The following CPXM2 variants were observed in gnomAD, a reference collection of about 807,000 sequenced individuals.
CPXM2 encodes inactive carboxypeptidase-like protein X2.
Under a neutral mutation model 86.1 loss-of-function variants are expected in CPXM2, and 66 were observed. The ratio of observed to expected loss-of-function variants is 0.77; its 90% CI spans 0.63 to 0.94. CPXM2 has a LOEUF of 0.94. Among genes scored for constraint, CPXM2 ranks in the 40% least tolerant of loss-of-function variants. CPXM2 has a pLI of 0.00. For missense variants in CPXM2, 948 were observed against 1,026.3 expected (o/e 0.92, Z 1.04); for synonymous variants, 388 against 400.2 (o/e 0.97, Z 0.36).
In CPXM2 at chr10:123,754,667, TC is replaced by T; in HGVS notation, c.2012del (p.Arg671GlnfsTer12). 1 of 1,554,018 alleles carries T rather than the reference TC, an allele frequency of 6.4e-7. No individual in the cohort carries two copies. Among genetic ancestry groups the T allele is most frequent in the Middle Eastern group, 1.7e-4 (1 of 5,978 alleles). On this transcript the variant is annotated frameshift_variant, in exon 13 of 14. Coordinates refer to ENST00000241305, the MANE Select transcript of CPXM2 (RefSeq NM_198148.3). LOFTEE classifies it high-confidence loss of function. The surrounding 1 kb of genome is among the most constrained non-coding windows in gnomAD (Gnocchi z 4.0). ...TCTGCACACATTTGCAGTTACCTGTTCGGATGTCATGGTTAATGCCTTCTAC... is the reference window on the plus strand; with the variant it reads ...TCTGCACACATTTGCAGTTACCTGTTGGATGTCATGGTTAATGCCTTCTAC... ...ISVEGINHDIRTANDGDYWRL... is the reference protein window; with the variant it reads ...ISVEGINHDIXTANDGDYWRL...
At chr10:123,918,363 C>A (rs898696505) in intron 2 of CPXM2, among the ~76,000 whole-genome samples, 1 of 152,168 alleles carries the variant, frequency 6.6e-6, no homozygotes, top group African/African-American at 2.4e-5. Context: ...TCTATCTCTT[C>A]TACTGGTTAC....
At chr10:123,837,998 G>A (rs910615569) in intron 4 of CPXM2, among the ~76,000 whole-genome samples, 1 of 152,148 alleles carries the variant, frequency 6.6e-6, no homozygotes, top group African/African-American at 2.4e-5. Flanking sequence ...ACCCATGAAG[G>A]TATTGGACTC....
At chr10:123,758,166 G>A (rs976293276) in intron 11 of CPXM2, among the ~76,000 whole-genome samples, 2 of 152,062 alleles carry the variant, frequency 1.3e-5, no homozygotes, top group Non-Finnish European at 2.9e-5. Context: ...ATGTGTAGTC[G>A]GTGTCTGGAC....
chr10:123,802,040 T>C (rs978163659), intron 4 of CPXM2, among the ~76,000 whole-genome samples: 1 of 152,132 alleles, frequency 6.6e-6, no homozygotes, highest in Non-Finnish European at 1.5e-5. Flanking sequence ...ATCTCACAGA[T>C]GGAGGAAGGA....
intron 2 of CPXM2, among the ~76,000 whole-genome samples, chr10:123,915,273 G>A (rs557870913): frequency 3.9e-4 from 59 of 152,246 alleles, no homozygotes; most frequent in African/African-American, 1.4e-3. Flanking sequence ...TAAGCCCCAC[G>A]TAGGCCGGGT....
intron 2 of CPXM2, among the ~76,000 whole-genome samples, chr10:123,875,512 C>T (rs1944968009): frequency 6.6e-6 from 1 of 152,170 alleles, no homozygotes; most frequent in Admixed American, 6.5e-5. Flanking sequence ...GAAGGAAGAC[C>T]CAACTTCGCC....
chr10:123,879,651 T>G (rs979302763), intron 2 of CPXM2, among the ~76,000 whole-genome samples: 1 of 152,168 alleles, frequency 6.6e-6, no homozygotes, highest in Non-Finnish European at 1.5e-5. Context: ...ATAATAATAA[T>G]GGTAGTAGTT....
chr10:123,850,337 C>T (rs187285081), intron 3 of CPXM2, among the ~76,000 whole-genome samples: 4 of 152,316 alleles, frequency 2.6e-5, no homozygotes, highest in Admixed American at 2.0e-4. Flanking sequence ...AATAGTCCCC[C>T]GTTATCTGTG....
chr10:123,861,677 G>A (rs1393041741), intron 3 of CPXM2, among the ~76,000 whole-genome samples: 1 of 152,136 alleles, frequency 6.6e-6, no homozygotes, highest in Admixed American at 6.5e-5. Context: ...TGCTGGCTCT[G>A]AAGAAGGAAA....
rs1846904105 is a variant in CPXM2, at chr10:123,780,254, A to C, written c.891T>G (p.Asp297Glu). 1 of 1,588,492 alleles carries C rather than the reference A, an allele frequency of 6.3e-7. No individual in the cohort carries two copies. Residue 297 changes from aspartate to glutamate, a missense_variant and splice_region_variant, in exon 7 of 14, where the codon GAT becomes GAG. Asp to Glu is a conservative substitution (Grantham distance 45). Transcript: ENST00000241305. ...RMEILGCPLP[D>E]PNNYYHRRNE... ...TCCGGCGGTGATAATAATTATTAGG[A>C]TCTAGGGACAGAAACATGATTTTGC...
At chr10:123,933,547 A>T (rs1460100548) in intron 2 of CPXM2, among the ~76,000 whole-genome samples, 1 of 151,984 alleles carries the variant, frequency 6.6e-6, no homozygotes, top group African/African-American at 2.4e-5. Flanking sequence ...GTGAAACCCC[A>T]TCTCTACTAA....
intron 2 of CPXM2, among the ~76,000 whole-genome samples, chr10:123,924,787 C>A (rs989456294): frequency 1.3e-5 from 2 of 152,116 alleles, no homozygotes; most frequent in African/African-American, 4.8e-5. Context: ...GGGGGCCCAA[C>A]AAGAGTCATC....
At chr10:123,925,916 A>G (rs1945618716) in intron 2 of CPXM2, among the ~76,000 whole-genome samples, 1 of 152,254 alleles carries the variant, frequency 6.6e-6, no homozygotes, top group South Asian at 2.1e-4. Context: ...TCCAAGATCT[A>G]TGCATTAGGC....
chr10:123,820,195 T>C (rs1398170619), intron 4 of CPXM2, among the ~76,000 whole-genome samples: 1 of 152,172 alleles, frequency 6.6e-6, no homozygotes, highest in Non-Finnish European at 1.5e-5. Context: ...TTTTTATATA[T>C]CTGTATTTTC....
Position 123,757,288 on chromosome 10 carries a change from A to G in CPXM2, c.1842T>C (p.Asp614=). The G allele has an allele frequency of 6.2e-7, 1 of 1,613,822 alleles. No homozygotes were observed. Among genetic ancestry groups the G allele is most frequent in the South Asian group, 1.1e-5 (1 of 91,074 alleles). The change falls in exon 12 of 14, where the codon GAT becomes GAC. Residue 614 remains aspartate, a synonymous_variant. Transcript: ENST00000241305. ...CFELSIYVGC[D]KYPHESQLPE... ...GCAGCTGGCTCTCATGTGGGTATTTATCACAGCCCACGTAGATGGACAGTT... is the reference window on the plus strand; with the variant it reads ...GCAGCTGGCTCTCATGTGGGTATTTGTCACAGCCCACGTAGATGGACAGTT...
intron 3 of CPXM2, among the ~76,000 whole-genome samples, chr10:123,860,386 G>C (rs28534804): frequency 6.6e-6 from 1 of 151,992 alleles, no homozygotes; most frequent in Non-Finnish European, 1.5e-5. Flanking sequence ...CAAGGCCAAG[G>C]TCTGCACTCA....
chr10:123,863,711 T>G (rs1010552741), intron 2 of CPXM2, among the ~76,000 whole-genome samples: 2 of 152,114 alleles, frequency 1.3e-5, no homozygotes, highest in African/African-American at 4.8e-5. Flanking sequence ...TCATAGAACC[T>G]TCTCATGCTG....
At chr10:123,924,326 C>T (rs1949434) in intron 2 of CPXM2, among the ~76,000 whole-genome samples, 110,535 of 152,150 alleles carry the variant, frequency 0.73, 40,456 homozygotes, top group East Asian at 0.95. Context: ...TTCTGTCTGA[C>T]GTAGCCACAA....
Position 123,761,889 on chromosome 10 carries a change from C to A in CPXM2, c.1760G>T (p.Trp587Leu). The A allele has an allele frequency of 6.2e-7, 1 of 1,613,566 alleles. No individual in the cohort carries two copies. The highest frequency in any genetic ancestry group is 8.5e-7 in the Non-Finnish European group (1 of 1,179,822). ...AGGCTTACTTCCAGCGACGGTGTGCCAGGAGGCCCCATTGACAGTGCCCTC... is the reference window on the plus strand; with the variant it reads ...AGGCTTACTTCCAGCGACGGTGTGCAAGGAGGCCCCATTGACAGTGCCCTC... ...KEEGTVNGAS[W>L]HTVAGSLNDF... Residue 587 changes from tryptophan to leucine, a missense_variant, in exon 11 of 14, where the codon TGG (tryptophan) becomes TTG (leucine). Coordinates refer to ENST00000241305, the MANE Select transcript of CPXM2 (RefSeq NM_198148.3).
Sources: allele counts gnomAD v4.1 joint callset (sites outside exome capture counted in the v4.1 genomes callset), GRCh38; gene constraint gnomAD v4.1.1; non-coding constraint Gnocchi (gnomAD v3.1); transcripts MANE v1.5; gene names NCBI Gene and HGNC (gene_info 2026-07-23, HGNC 2026-07-21).